ABCA3: variants seen among roughly 807,000 people sequenced by gnomAD.
The protein encoded by ABCA3 is ATP binding cassette subfamily A member 3.
Under a neutral mutation model 172.8 loss-of-function variants are expected in ABCA3, and 88 were observed. That is an observed-to-expected ratio of 0.51 (90% CI 0.43 to 0.61). The LOEUF (loss-of-function observed/expected upper bound fraction) is 0.61. Among genes scored for constraint, ABCA3 ranks in the 20% least tolerant of loss-of-function variants. ABCA3 has a pLI of 0.00. For missense variants in ABCA3, 2,164 were observed against 2,301.0 expected, an observed-to-expected ratio of 0.94 and a Z score of 1.22; for synonymous variants, 1,066 against 983.8, an observed-to-expected ratio of 1.08 and a Z score of -1.56.
intron 1 of ABCA3, among the ~76,000 whole-genome samples, chr16:2,335,927 G>A (rs2093751004): frequency 6.6e-6 from 1 of 152,194 alleles, no homozygotes; most frequent in African/African-American, 2.4e-5. Flanking sequence ...GAGAATTTAA[G>A]GAGAAGGTAC....
At chr16:2,340,495 G>A (rs1039122633) in intron 1 of ABCA3, 78 bp downstream of exon 1, 2 of 150,268 alleles carry the variant, frequency 1.3e-5, no homozygotes, top group African/African-American at 2.4e-5. Context: ...GGCCGGCGAG[G>A]GTGGGAAGGG....
At chr16:2,292,008 G>A (rs1470212199) in intron 19 of ABCA3, 132 bp downstream of exon 19, 1 of 696,288 alleles carries the variant, frequency 1.4e-6, no homozygotes. Context: ...AGGAGGCGGA[G>A]GTTGCGGTGA....
At position 2,284,478 on chromosome 16, in the gene ABCA3, A is replaced by G. The variant is rs534137725; in HGVS notation, c.3704-41T>C. 8 of 1,611,144 alleles carry G rather than the reference A, an allele frequency of 5.0e-6. No individual in the cohort carries two copies. The South Asian group carries it at 5.5e-5, about 11-fold the overall frequency. On this transcript the variant is annotated intron_variant, in intron 24 of 32. Coordinates refer to ENST00000301732, the MANE Select transcript of ABCA3 (RefSeq NM_001089.3). The surrounding 1 kb of genome is among the most constrained non-coding windows in gnomAD (Gnocchi z 5.9). ...AAGATCAGTCTGCGCTGGAGGGCACACCACACCCACCTCCAGGACGGGCCT... is the reference window on the plus strand; with the variant it reads ...AAGATCAGTCTGCGCTGGAGGGCACGCCACACCCACCTCCAGGACGGGCCT...
chr16:2,332,741 ATTTC>A (rs1166111825), intron 1 of ABCA3: 1 of 1,105,962 alleles, frequency 9.0e-7, no homozygotes, highest in Non-Finnish European at 1.3e-6. Flanking sequence ...TGCCTCCTCC[ATTTC>A]TTTATTTGTG....
intron 8 of ABCA3, among the ~76,000 whole-genome samples, chr16:2,318,214 A>G (rs991871460): frequency 6.6e-6 from 1 of 152,142 alleles, no homozygotes; most frequent in Non-Finnish European, 1.5e-5. Context: ...TGCCATAGCC[A>G]TTCATTCCCT....
At position 2,279,012 on chromosome 16, in the gene ABCA3, G is replaced by T; in HGVS notation, c.4478C>A (p.Ala1493Asp). 1 of 1,613,548 alleles carries T rather than the reference G, an allele frequency of 6.2e-7. No homozygotes were observed. Residue 1493 changes from alanine (A) to aspartate (D), a missense_variant, in exon 29 of 33, where the codon GCC becomes GAC. Transcript: ENST00000301732. The surrounding 1 kb of genome is among the most constrained non-coding windows in gnomAD (Gnocchi z 4.4). ...GCCCCGCAGAGTGTTCTCCACGCAG[G>T]CCCCGATGTGGCGCTCAGGGATGCC... is the stretch of plus-strand genomic sequence containing the variant. ...LRGIPERHIG[A>D]CVENTLRGLL...
rs2093657865 is a variant in ABCA3, at chr16:2,283,256, A to C, written c.3965T>G (p.Phe1322Cys). Residue 1322 changes from phenylalanine to cysteine, a missense_variant, in exon 26 of 33, where the codon TTC becomes TGC. This residue lies in a region of ABCA3 where 795 missense variants were observed against 881.9 expected (regional missense o/e 0.90). Coordinates refer to ENST00000301732, the MANE Select transcript of ABCA3 (RefSeq NM_001089.3). This position sits in a 1 kb window ranked among gnomAD's most constrained non-coding sequence, Gnocchi z 5.4. The part of the protein sequence containing the change: ...ASGCAYLILL[F>C]LIETNLLQRL... ...CTGAAGCAGGTTGGTCTCGATGAGG[A>C]AGAGCAGGATGAGGTAGGCGCACCC... is the stretch of plus-strand genomic sequence containing the variant. 1 of 1,613,322 alleles carries C rather than the reference A, an allele frequency of 6.2e-7. No homozygotes were observed. The highest frequency in any genetic ancestry group is 1.3e-5 in the African/African-American group (1 of 74,912).
In ABCA3 at chr16:2,297,552, A is replaced by T. The variant is rs574506891; in HGVS notation, c.2053-13T>A. 4.4e-4 allele frequency: 707 copies of T among 1,611,418 alleles called. 12 individuals carry two copies. In the South Asian group the frequency reaches 7.5e-3, roughly 17 times the overall value. On this transcript the variant is annotated splice_polypyrimidine_tract_variant and intron_variant, in intron 16 of 32. Coordinates refer to ENST00000301732, the MANE Select transcript of ABCA3 (RefSeq NM_001089.3). This position sits in a 1 kb window ranked among gnomAD's most constrained non-coding sequence, Gnocchi z 5.6. The stretch of plus-strand genomic sequence containing the variant: ...CCAGTATCAGCACCTGGAGGGAGAG[A>T]CACAGTCTCGCGACGCTGGTAGAGC...
At chr16:2,335,125 G>A (rs896815018) in intron 1 of ABCA3, among the ~76,000 whole-genome samples, 2 of 151,338 alleles carry the variant, frequency 1.3e-5, no homozygotes, top group African/African-American at 2.4e-5. Flanking sequence ...CACTGTGCCC[G>A]GCCCTAAATA....
chr16:2,315,191 TTGTA>T (rs761216926), intron 10 of ABCA3, among the ~76,000 whole-genome samples: 2 of 146,558 alleles, frequency 1.4e-5, no homozygotes, highest in Non-Finnish European at 3.0e-5. Flanking sequence ...TCATAAATTG[TTGTA>T]TGTATTTTAC....
chr16:2,319,788 G>A lies in ABCA3; in HGVS notation c.666C>T (p.Ile222=), dbSNP rs2141733052. ...TGGCGGCATCGGCATGGTACTCCAT[G>A]ATGGCCCGGTCCACAGCATGCTGCA... is the stretch of plus-strand genomic sequence containing the variant. ...LAVQHAVDRA[I]MEYHADAATR... Residue 222 remains isoleucine (I), a synonymous_variant, in exon 8 of 33, where the codon ATC becomes ATT. Coordinates refer to ENST00000301732, the MANE Select transcript of ABCA3 (RefSeq NM_001089.3). 1.2e-6 allele frequency: 2 copies of A among 1,614,060 alleles called. No individual in the cohort carries two copies. The highest frequency in any genetic ancestry group is 3.3e-4 in the Middle Eastern group (2 of 6,062).
At chr16:2,302,360 A>G (rs1411814630) in intron 12 of ABCA3, among the ~76,000 whole-genome samples, 2 of 152,212 alleles carry the variant, frequency 1.3e-5, no homozygotes, top group Admixed American at 6.5e-5. Flanking sequence ...AACAACATTC[A>G]TCAATATGTT....
At chr16:2,337,878 C>T (rs1357147211) in intron 1 of ABCA3, among the ~76,000 whole-genome samples, 2 of 152,182 alleles carry the variant, frequency 1.3e-5, no homozygotes, top group African/African-American at 4.8e-5. Context: ...GAGGCGGCTG[C>T]CTCCCTAGGA....
intron 3 of ABCA3, 36 bp downstream of exon 3, chr16:2,328,417 C>A: frequency 2.2e-6 from 1 of 462,290 alleles, no homozygotes; most frequent in South Asian, 1.6e-5. Flanking sequence ...GAGTTAAGTT[C>A]ATCTCATGAA....
At chr16:2,313,906 G>T (rs1238070321) in intron 10 of ABCA3, among the ~76,000 whole-genome samples, 1 of 146,948 alleles carries the variant, frequency 6.8e-6, no homozygotes, top group African/African-American at 2.5e-5. Flanking sequence ...AAAAAAAAAA[G>T]TAATTAACAG....
chr16:2,312,786 C>T (rs1196514769), intron 10 of ABCA3, among the ~76,000 whole-genome samples: 1 of 152,060 alleles, frequency 6.6e-6, no homozygotes, highest in Non-Finnish European at 1.5e-5. Context: ...CCCGCCTCGG[C>T]CTCCCAAAGT....
At position 2,279,071 on chromosome 16, in the gene ABCA3, G is replaced by A; in HGVS notation, c.4419C>T (p.Gly1473=). Residue 1473 remains glycine (G), a synonymous_variant, in exon 29 of 33, where the codon GGC becomes GGT. Coordinates refer to ENST00000301732, the MANE Select transcript of ABCA3 (RefSeq NM_001089.3). This position sits in a 1 kb window ranked among gnomAD's most constrained non-coding sequence, Gnocchi z 4.4. ...QFDALLDHMT[G]REMLVMYARL... ...GAGCGTACATGACCAGCATCTCCCG[G>A]CCTGTCATGTGGTCCAGCAAGGCAT... is the stretch of plus-strand genomic sequence containing the variant. 2 of 1,613,140 alleles carry A rather than the reference G, an allele frequency of 1.2e-6. No individual in the cohort carries two copies. Among genetic ancestry groups the A allele is most frequent in the Non-Finnish European group, 1.7e-6 (2 of 1,180,038 alleles).
chr16:2,297,622 G>C lies in ABCA3; in HGVS notation c.2053-83C>G. The C allele has an allele frequency of 6.3e-7, 1 of 1,592,358 alleles. No homozygotes were observed. Among genetic ancestry groups the C allele is most frequent in the Non-Finnish European group, 8.5e-7 (1 of 1,170,592 alleles). ...GGCCTTGCGGTAGGCCCCATCGAGG[G>C]GTTCGCGGAGCCGGCTTGAGTCCTC... On this transcript the variant is annotated intron_variant, in intron 16 of 32. Transcript: ENST00000301732. This position sits in a 1 kb window ranked among gnomAD's most constrained non-coding sequence, Gnocchi z 5.6.
Position 2,281,640 on chromosome 16 carries a change from C to T in ABCA3, c.4036-131G>A. The T allele has an allele frequency of 8.8e-7, 1 of 1,139,744 alleles. No individual in the cohort carries two copies. Among genetic ancestry groups the T allele is most frequent in the Non-Finnish European group, 1.3e-6 (1 of 781,216 alleles). The allele number at this position is 1,139,744 out of a possible 1,614,324, so 70.6% of individuals were successfully genotyped here. A position where few individuals can be genotyped will look rare whatever the true frequency, so the allele number is the denominator to read the frequency against. On this transcript the variant is annotated intron_variant, in intron 26 of 32. Coordinates refer to ENST00000301732, the MANE Select transcript of ABCA3 (RefSeq NM_001089.3). This position sits in a 1 kb window ranked among gnomAD's most constrained non-coding sequence, Gnocchi z 4.7. Reference sequence around the variant, plus strand: ...CCTTCAAGGCTTCTCGTCCCAATCTCAGGCCCCACAGGTGCGACTCAGACC... The same window carrying T: ...CCTTCAAGGCTTCTCGTCCCAATCTTAGGCCCCACAGGTGCGACTCAGACC...
Sources: allele counts gnomAD v4.1 joint callset (sites outside exome capture counted in the v4.1 genomes callset), GRCh38; gene constraint gnomAD v4.1.1; regional missense constraint gnomAD v4.1.1; non-coding constraint Gnocchi (gnomAD v3.1); transcripts MANE v1.5; gene names NCBI Gene and HGNC (gene_info 2026-07-23, HGNC 2026-07-21).